The following PTPRN2 variants were observed in gnomAD, a reference collection of about 807,000 sequenced individuals.
PTPRN2 encodes the protein protein tyrosine phosphatase receptor type N2.
Under a neutral mutation model 118.8 loss-of-function variants are expected in PTPRN2, and 74 were observed. That is an observed-to-expected ratio of 0.62 (90% confidence interval 0.52 to 0.76). The LOEUF is 0.76. PTPRN2 is among the 30% of genes least tolerant of loss of function. The pLI, the probability that PTPRN2 is intolerant of heterozygous loss-of-function variation, is 0.00. For missense variants in PTPRN2, 1,481 were observed against 1,394.4 expected, an observed-to-expected ratio of 1.06 and a Z score of -0.99; for synonymous variants, 641 against 608.0, an observed-to-expected ratio of 1.05 and a Z score of -0.80.
In PTPRN2 at chr7:158,418,746, T is replaced by C. The variant is rs369457437; in HGVS notation, c.163+70989A>G. On this transcript the variant is annotated intron_variant, in intron 2 of 22. Coordinates refer to ENST00000389418, the MANE Select transcript of PTPRN2 (RefSeq NM_002847.5). ...CTGTGTTAAGTCACGGTGTACTACATCAAGATGCTGTAGCTCTCAGTGTCC... is the reference window on the plus strand; with the variant it reads ...CTGTGTTAAGTCACGGTGTACTACACCAAGATGCTGTAGCTCTCAGTGTCC... Among the ~76,000 whole-genome samples the C allele has an allele frequency of 9.9e-5, 15 of 152,094 alleles. No individual in the cohort carries two copies. The East Asian group carries it at 2.9e-3, about 29-fold the overall frequency.
intron 3 of PTPRN2, among the ~76,000 whole-genome samples, chr7:158,248,379 C>T (rs1796394775): frequency 1.3e-5 from 2 of 152,310 alleles, no homozygotes; most frequent in East Asian, 3.9e-4. Context: ...GGGACACAGC[C>T]CTCCCAAGGG....
At chr7:158,258,124 C>CA (rs532200083) in intron 3 of PTPRN2, among the ~76,000 whole-genome samples, 22 of 152,340 alleles carry the variant, frequency 1.4e-4, no homozygotes, top group South Asian at 1.0e-3. Flanking sequence ...TCCAAGCGGG[C>CA]ACGTAAGAAC....
intron 3 of PTPRN2, among the ~76,000 whole-genome samples, chr7:158,206,591 G>A (rs973759271): frequency 2.0e-5 from 3 of 151,962 alleles, no homozygotes; most frequent in East Asian, 3.9e-4. Context: ...GAGACCGTCC[G>A]TTCGTTTGTC....
intron 2 of PTPRN2, among the ~76,000 whole-genome samples, chr7:158,366,867 G>A (rs1364863158): frequency 1.3e-5 from 2 of 152,198 alleles, no homozygotes; most frequent in Non-Finnish European, 2.9e-5. Context: ...AATGACCGAA[G>A]ACGTCACAAG....
chr7:158,500,145 T>C (rs1822252666), intron 1 of PTPRN2, among the ~76,000 whole-genome samples: 1 of 152,024 alleles, frequency 6.6e-6, no homozygotes, highest in Non-Finnish European at 1.5e-5. Flanking sequence ...ACCACTCGCA[T>C]TGTGGGTGAG....
chr7:158,327,469 G>A (rs556174580), intron 2 of PTPRN2, among the ~76,000 whole-genome samples: 8 of 131,830 alleles, frequency 6.1e-5, no homozygotes, highest in African/African-American at 7.7e-5. Flanking sequence ...ACATGTACAC[G>A]TTCTCACACA....
Position 158,407,199 on chromosome 7 carries a change from GGGT to G in PTPRN2, c.163+82533_163+82535del, listed in dbSNP as rs1188194867. 1.7e-3 allele frequency among the ~76,000 whole-genome samples: 49 copies of G among 29,484 alleles called. 4 individuals are homozygous for G. Among genetic ancestry groups the G allele is most frequent in the African/African-American group, 4.0e-3 (44 of 11,034 alleles). 19.3% of individuals were successfully genotyped at this position (29,484 alleles called of 152,430 possible). On this transcript the variant is annotated intron_variant, in intron 2 of 22. Transcript: ENST00000389418. ...TCCTGCGTCCTGGGTCCTGGGTCCT[GGGT>G]CCTGGGTCCTGCGTCCTGCGTCCTG...
chr7:158,031,041 T>C lies in PTPRN2; in HGVS notation c.1723+50257A>G, dbSNP rs541428439. 2.0e-5 allele frequency: 3 copies of C among 152,352 alleles called. No homozygotes were observed. The East Asian group carries it at 5.8e-4, about 29-fold the overall frequency. The allele number at this position is 152,352 out of a possible 1,614,324, so 9.4% of individuals were successfully genotyped here. A position where few individuals can be genotyped will look rare whatever the true frequency, so the allele number is the denominator to read the frequency against. On this transcript the variant is annotated intron_variant, in intron 11 of 22. Coordinates refer to ENST00000389418, the MANE Select transcript of PTPRN2 (RefSeq NM_002847.5). ...TTGAATAATATCCTCGAGTGATAAA[T>C]CTGCAGTATCTGCTGAAGGTCCACA...
In PTPRN2 at chr7:158,009,249, T is replaced by A. The variant is rs189030520; in HGVS notation, c.1723+72049A>T. On this transcript the variant is annotated intron_variant, in intron 11 of 22. Coordinates refer to ENST00000389418, the MANE Select transcript of PTPRN2 (RefSeq NM_002847.5). ...AAACGCTCTGATCAATGATCAAATC[T>A]GCTTCCACCCAATTCAAATGCAAGC... 2.6e-3 allele frequency among the ~76,000 whole-genome samples: 398 copies of A among 152,260 alleles called. 4 individuals are homozygous for A. Among genetic ancestry groups the A allele is most frequent in the Non-Finnish European group, 7.1e-4 (48 of 68,014 alleles).
intron 6 of PTPRN2, among the ~76,000 whole-genome samples, chr7:158,146,244 T>C (rs891253659): frequency 1.3e-5 from 2 of 152,174 alleles, no homozygotes; most frequent in African/African-American, 4.8e-5. Flanking sequence ...AGATTATGCA[T>C]TTTGAAACTA....
intron 5 of PTPRN2, among the ~76,000 whole-genome samples, chr7:158,179,329 A>G (rs987144326): frequency 5.3e-5 from 8 of 151,664 alleles, no homozygotes; most frequent in African/African-American, 1.9e-4. Flanking sequence ...TGTTCACGTC[A>G]TTTGTCCACT....
intron 2 of PTPRN2, among the ~76,000 whole-genome samples, chr7:158,349,863 T>G (rs1807793184): frequency 6.6e-6 from 1 of 150,754 alleles, no homozygotes; most frequent in African/African-American, 2.4e-5. Context: ...GTGCTGAGGA[T>G]GGCCCACGTC....
chr7:158,213,288 T>TGG, intron 3 of PTPRN2, among the ~76,000 whole-genome samples: 1 of 151,514 alleles, frequency 6.6e-6, no homozygotes, highest in Non-Finnish European at 1.5e-5. Context: ...GAACCACATA[T>TGG]TCTGGATGGA....
intron 12 of PTPRN2, among the ~76,000 whole-genome samples, chr7:157,810,033 C>T (rs886866018): frequency 5.9e-5 from 9 of 152,178 alleles, no homozygotes; most frequent in African/African-American, 1.7e-4. Context: ...CCGGGGCCAC[C>T]GTCCAACTCA....
Position 158,563,730 on chromosome 7 carries a change from T to C in PTPRN2, c.112+23828A>G, listed in dbSNP as rs1827519730. Among the ~76,000 whole-genome samples, 1 of 152,268 alleles carries C rather than the reference T, an allele frequency of 6.6e-6. No individual in the cohort carries two copies. Among genetic ancestry groups the C allele is most frequent in the South Asian group, 2.1e-4 (1 of 4,834 alleles). ...TGTGTGAGGGGAGAAGAGAGGGGCC[T>C]TCCATCTAGGGGCACAGTCTCCCTC... On this transcript the variant is annotated intron_variant, in intron 1 of 22. Transcript: ENST00000389418. This position sits in a 1 kb window ranked among gnomAD's most constrained non-coding sequence, Gnocchi z 5.1.
intron 12 of PTPRN2, among the ~76,000 whole-genome samples, chr7:157,783,921 A>G (rs902258227): frequency 2.6e-5 from 4 of 152,056 alleles, no homozygotes; most frequent in Non-Finnish European, 5.9e-5. Context: ...GAGGGCTGGG[A>G]GGCTGGTTGA....
chr7:157,724,430 ATTTAC>A (rs964136594), intron 12 of PTPRN2, among the ~76,000 whole-genome samples: 3 of 152,216 alleles, frequency 2.0e-5, no homozygotes, highest in South Asian at 2.1e-4. Context: ...TCCTGGTTAA[ATTTAC>A]TTTACATTTT....
At chr7:158,068,494 C>T (rs773652014) in intron 11 of PTPRN2, among the ~76,000 whole-genome samples, 11 of 152,202 alleles carry the variant, frequency 7.2e-5, no homozygotes, top group South Asian at 4.1e-4. Context: ...ACGGAGGCCG[C>T]GTCCTCAGGG....
chr7:158,500,573 C>G (rs1034677685), intron 1 of PTPRN2, among the ~76,000 whole-genome samples: 1 of 152,218 alleles, frequency 6.6e-6, no homozygotes, highest in Admixed American at 6.5e-5. Flanking sequence ...AAGTTTCACA[C>G]ACTCTTCTCT....
Sources: gnomAD v4.1 joint callset for allele counts (sites outside exome capture counted in the v4.1 genomes callset) on GRCh38, gnomAD v4.1.1 for gene constraint, Gnocchi (gnomAD v3.1) non-coding constraint, MANE v1.5 for transcripts, NCBI Gene and HGNC (gene_info 2026-07-23, HGNC 2026-07-21) for gene names.